Variants in SNX29 observed in about 807,000 individuals in gnomAD.
SNX29 encodes sorting nexin-29.
A neutral mutation model predicts 102.1 loss-of-function variants in SNX29; 78 were observed. That is an observed-to-expected ratio of 0.76 (90% confidence interval 0.64 to 0.92). The LOEUF is 0.92. Ranked by LOEUF, SNX29 falls within the 40% of genes least tolerant of loss-of-function variation. SNX29 has a pLI of 0.00. For missense variants in SNX29, 1,280 were observed against 1,061.7 expected (o/e 1.21, Z -2.86); for synonymous variants, 580 against 414.5 (o/e 1.40, Z -4.85).
intron 13 of SNX29, among the ~76,000 whole-genome samples, chr16:12,134,187 G>A (rs2054575116): frequency 6.6e-6 from 1 of 152,208 alleles, no homozygotes; most frequent in Non-Finnish European, 1.5e-5. Context: ...TGGCTTTGAA[G>A]GAAGCAAGTA....
chr16:12,328,686 A>G (rs956163364), intron 15 of SNX29, among the ~76,000 whole-genome samples: 1 of 152,158 alleles, frequency 6.6e-6, no homozygotes, highest in African/African-American at 2.4e-5. Flanking sequence ...GATGCCCTCT[A>G]AATTTGAACA....
chr16:12,526,879 C>T (rs2269445), intron 20 of SNX29: 14 of 395,082 alleles, frequency 3.5e-5, no homozygotes, highest in Non-Finnish European at 5.7e-5. Context: ...GCGAGCCTGT[C>T]GGTGTGACAT....
chr16:12,186,193 G>T (rs1481139753), intron 13 of SNX29, among the ~76,000 whole-genome samples: 1 of 152,028 alleles, frequency 6.6e-6, no homozygotes, highest in Non-Finnish European at 1.5e-5. Context: ...TATATTTGTT[G>T]TTGGGAGCTT....
intron 9 of SNX29, among the ~76,000 whole-genome samples, chr16:12,062,945 G>A (rs889614352): frequency 6.6e-6 from 1 of 152,066 alleles, no homozygotes; most frequent in African/African-American, 2.4e-5. Context: ...AGCATTCCTG[G>A]CTGTTAAATG....
At chr16:12,284,659 G>C (rs1025609466) in intron 15 of SNX29, among the ~76,000 whole-genome samples, 3 of 151,792 alleles carry the variant, frequency 2.0e-5, no homozygotes, top group African/African-American at 7.3e-5. Flanking sequence ...ATAGCAATGA[G>C]TCTGATAAGA....
At position 12,173,524 on chromosome 16, in the gene SNX29, G is replaced by T. The variant is rs1370252701; in HGVS notation, c.1596-26077G>T. Among the ~76,000 whole-genome samples, 3 of 152,200 alleles carry T rather than the reference G, an allele frequency of 2.0e-5. No homozygotes were observed. The East Asian group carries it at 5.8e-4, about 29-fold the overall frequency. On this transcript the variant is annotated intron_variant, in intron 13 of 20. Coordinates refer to ENST00000566228, the MANE Select transcript of SNX29 (RefSeq NM_032167.5). ...ACTTCAGTGCCCAAGTGCTGAGTGAGGTCTTGAATCTGTATCTTTTGGCTC... is the reference window on the plus strand; with the variant it reads ...ACTTCAGTGCCCAAGTGCTGAGTGATGTCTTGAATCTGTATCTTTTGGCTC...
chr16:12,072,097 G>A (rs895602234), intron 10 of SNX29, among the ~76,000 whole-genome samples: 2 of 152,278 alleles, frequency 1.3e-5, no homozygotes, highest in South Asian at 2.1e-4. Context: ...TAGATATACA[G>A]TCACATCGTC....
At chr16:11,990,827 G>A (rs73515625) in intron 1 of SNX29, among the ~76,000 whole-genome samples, 4,558 of 152,244 alleles carry the variant, frequency 0.03, 204 homozygotes, top group African/African-American at 0.1. Flanking sequence ...CTAACCGCAC[G>A]GTGGCTGTAA....
chr16:12,078,935 C>A lies in SNX29; in HGVS notation c.1402+20C>A, dbSNP rs772202549. The A allele has an allele frequency of 3.2e-6, 5 of 1,577,030 alleles. No homozygotes were observed. ...CAATTAGTAAGTACTTTCGCAGCCCCCTCCACCAGCTCTGGGATGACTTCT... is the reference window on the plus strand; with the variant it reads ...CAATTAGTAAGTACTTTCGCAGCCCACTCCACCAGCTCTGGGATGACTTCT... On this transcript the variant is annotated intron_variant, in intron 11 of 20. Coordinates refer to ENST00000566228, the MANE Select transcript of SNX29 (RefSeq NM_032167.5).
chr16:12,019,010 C>G (rs952614868), intron 3 of SNX29, among the ~76,000 whole-genome samples: 33 of 151,922 alleles, frequency 2.2e-4, no homozygotes, highest in Non-Finnish European at 2.9e-5. Context: ...AATGCTATAT[C>G]CAAGTTTTCT....
At chr16:12,477,663 C>T in intron 18 of SNX29, 56 bp from the exon 19 acceptor site, 3 of 1,592,368 alleles carry the variant, frequency 1.9e-6, no homozygotes, top group South Asian at 2.3e-5. Context: ...TAGCCGAAAT[C>T]CTACTCCTTT....
chr16:12,262,485 A>T (rs2078804411), intron 14 of SNX29, among the ~76,000 whole-genome samples: 1 of 152,194 alleles, frequency 6.6e-6, no homozygotes, highest in Non-Finnish European at 1.5e-5. Context: ...TTGAATTGGG[A>T]TCAATAAAAG....
chr16:12,299,132 T>C (rs2080077569), intron 15 of SNX29, among the ~76,000 whole-genome samples: 2 of 151,946 alleles, frequency 1.3e-5, no homozygotes, highest in African/African-American at 2.4e-5. Flanking sequence ...AGACCCTATC[T>C]CTACTAAAAA....
chr16:12,207,522 G>A (rs909097866), intron 14 of SNX29, among the ~76,000 whole-genome samples: 3 of 152,056 alleles, frequency 2.0e-5, no homozygotes, highest in Admixed American at 6.6e-5. Flanking sequence ...CTCCGTTCCC[G>A]ACCCTTCCTG....
Position 12,088,031 on chromosome 16 carries a change from G to A in SNX29, c.1402+9116G>A, listed in dbSNP as rs114723743. The A allele has an allele frequency of 3.4e-3, 1,548 of 456,652 alleles. 22 individuals are homozygous for A. Among genetic ancestry groups the A allele is most frequent in the African/African-American group, 0.028 (1,410 of 50,164 alleles). The allele number at this position is 456,652 out of a possible 1,614,324, so 28.3% of individuals were successfully genotyped here. ...GGGGGTATGAGCACTGCCCTGTCTC[G>A]TTCTGGCTTTGCTTGTGTCTCTAGG... On this transcript the variant is annotated intron_variant, in intron 11 of 20. Transcript: ENST00000566228.
At chr16:12,087,629 G>T in intron 11 of SNX29, 1 of 358,942 alleles carries the variant, frequency 2.8e-6, no homozygotes, top group South Asian at 2.1e-5. Flanking sequence ...GTACTCATTA[G>T]ATGGTAAAGC....
At position 12,562,432 on chromosome 16, in the gene SNX29, C is replaced by T. The variant is rs140183540; in HGVS notation, c.2319-6074C>T. Among the ~76,000 whole-genome samples the T allele has an allele frequency of 5.9e-5, 9 of 152,302 alleles. No individual in the cohort carries two copies. In the East Asian group the frequency reaches 1.4e-3, roughly 23 times the overall value. On this transcript the variant is annotated intron_variant, in intron 20 of 20. Transcript: ENST00000566228. ...ACAATTTACCCACTTAAAGTGCACA[C>T]AGCTTGCTAGTTTGACTTTGATCCC...
Position 12,046,392 on chromosome 16 carries a change from A to T in SNX29, c.437A>T (p.Tyr146Phe), listed in dbSNP as rs775586127. The change falls in exon 6 of 21, where the codon TAT (tyrosine) becomes TTT (phenylalanine). Residue 146 changes from tyrosine (Y) to phenylalanine (F), a missense_variant. Transcript: ENST00000566228. The part of the protein sequence containing the change: ...LADRCRLSTF[Y>F]EDWSFVMDEE... ...TCTCTTTCAATCTGCAGCACTTTTT[A>T]TGAAGACTGGTCTTTTGTGATGGAT... 1 of 1,613,630 alleles carries T rather than the reference A, an allele frequency of 6.2e-7. No homozygotes were observed. The highest frequency in any genetic ancestry group is 1.7e-5 in the Admixed American group (1 of 60,008).
At chr16:12,363,990 T>C (rs1469395575) in intron 16 of SNX29, among the ~76,000 whole-genome samples, 1 of 152,118 alleles carries the variant, frequency 6.6e-6, no homozygotes, top group African/African-American at 2.4e-5. Flanking sequence ...TGTATCACTA[T>C]ATATACTTTA....
Sources: allele counts gnomAD v4.1 joint callset (sites outside exome capture counted in the v4.1 genomes callset), GRCh38; gene constraint gnomAD v4.1.1; transcripts MANE v1.5; gene names NCBI Gene and HGNC (gene_info 2026-07-23, HGNC 2026-07-21).